Variants in CSRP2 observed in about 807,000 individuals in gnomAD.
CSRP2 encodes cysteine and glycine-rich protein 2.
A neutral mutation model predicts 24.6 loss-of-function variants in CSRP2; 18 were observed. The observed-to-expected ratio is 0.73, with a 90% CI of 0.51 to 1.09. The LOEUF (loss-of-function observed/expected upper bound fraction) is 1.09. Among genes scored for constraint, CSRP2 ranks in the 50% least tolerant of loss-of-function variants. CSRP2 has a pLI of 0.00. For synonymous variants in CSRP2, 87 were observed against 84.3 expected, an observed-to-expected ratio of 1.03 and a Z score of -0.18; for missense variants, 215 against 239.4, an observed-to-expected ratio of 0.90 and a Z score of 0.67.
intron 1 of CSRP2, among the ~76,000 whole-genome samples, chr12:76,872,301 T>C (rs946866798): frequency 3.3e-5 from 5 of 152,262 alleles, no homozygotes; most frequent in African/African-American, 9.6e-5. Context: ...AGTCTAAGTC[T>C]GAGTCGTCTT....
At chr12:76,867,102 G>C (rs1953743248) in intron 1 of CSRP2, among the ~76,000 whole-genome samples, 1 of 152,116 alleles carries the variant, frequency 6.6e-6, no homozygotes, top group Non-Finnish European at 1.5e-5. Flanking sequence ...GGGCAAGCTG[G>C]AAGTACAGAT....
chr12:76,871,685 A>G (rs1294292442), intron 1 of CSRP2, among the ~76,000 whole-genome samples: 1 of 151,552 alleles, frequency 6.6e-6, no homozygotes, highest in Non-Finnish European at 1.5e-5. Flanking sequence ...AATGGCGTGA[A>G]CCCAGGAGGT....
chr12:76,878,160 G>C (rs559453798), intron 1 of CSRP2: 2 of 152,252 alleles, frequency 1.3e-5, no homozygotes, highest in South Asian at 4.2e-4. Context: ...CCCCCAGGGG[G>C]TGCCTACGTG....
intron 3 of CSRP2, chr12:76,862,948 C>T (rs1444963526): frequency 2.7e-6 from 4 of 1,499,878 alleles, no homozygotes. Context: ...CTCCTTGATA[C>T]AGCTTGGAAT....
chr12:76,870,928 G>A (rs2137833714), intron 1 of CSRP2, among the ~76,000 whole-genome samples: 1 of 125,852 alleles, frequency 7.9e-6, no homozygotes, highest in African/African-American at 3.1e-5. Flanking sequence ...AGCTATGATT[G>A]CACCACTGCA....
chr12:76,875,041 A>C (rs563364105), intron 1 of CSRP2, among the ~76,000 whole-genome samples: 1 of 152,284 alleles, frequency 6.6e-6, no homozygotes, highest in African/African-American at 2.4e-5. Flanking sequence ...CCAGAACCAC[A>C]AGCTTTCCTC....
chr12:76,872,567 A>C (rs1263884546), intron 1 of CSRP2, among the ~76,000 whole-genome samples: 2 of 152,176 alleles, frequency 1.3e-5, no homozygotes, highest in African/African-American at 4.8e-5. Flanking sequence ...ACGTGTGTGG[A>C]ACATCATGGC....
At chr12:76,876,400 GA>G (rs1345703967) in intron 1 of CSRP2, among the ~76,000 whole-genome samples, 19 of 151,988 alleles carry the variant, frequency 1.3e-4, no homozygotes, top group African/African-American at 4.6e-4. Context: ...ATTTGAAAAG[GA>G]AAAAATATAA....
intron 1 of CSRP2, among the ~76,000 whole-genome samples, chr12:76,870,763 T>C (rs997327010): frequency 2.0e-4 from 31 of 151,838 alleles, no homozygotes; most frequent in African/African-American, 7.5e-4. Flanking sequence ...CCCAACACTT[T>C]GGAATTTGGA....
intron 1 of CSRP2, among the ~76,000 whole-genome samples, chr12:76,873,700 T>G (rs1351438321): frequency 6.6e-6 from 1 of 152,196 alleles, no homozygotes; most frequent in Non-Finnish European, 1.5e-5. Flanking sequence ...GCTTGCATAG[T>G]GGGGACTCAA....
chr12:76,859,570 T>G lies in CSRP2; in HGVS notation c.482A>C (p.Lys161Thr). 2.5e-6 allele frequency: 4 copies of G among 1,613,662 alleles called. No homozygotes were observed. The highest frequency in any genetic ancestry group is 3.4e-6 in the Non-Finnish European group (4 of 1,179,774). ...ACCTTTACAATAGATTTCACCTTCT[T>G]TTTCAGTCAGAGTTGTTGATTCAAG... ...KSLESTTLTE[K>T]EGEIYCKGCY... Residue 161 changes from lysine (K) to threonine (T), a missense_variant, in exon 5 of 6, where the codon AAA (lysine) becomes ACA (threonine). Lys to Thr is a moderately conservative substitution (Grantham distance 78). Coordinates refer to ENST00000311083, the MANE Select transcript of CSRP2 (RefSeq NM_001321.3).
intron 1 of CSRP2, among the ~76,000 whole-genome samples, chr12:76,868,982 G>A (rs1230521865): frequency 6.6e-6 from 1 of 151,436 alleles, no homozygotes; most frequent in East Asian, 1.9e-4. Context: ...AGATGGTACT[G>A]ACTCTACCCC....
Position 76,863,215 on chromosome 12 carries a change from T to G in CSRP2, c.242A>C (p.Asn81Thr). Residue 81 changes from asparagine to threonine, a missense_variant, in exon 3 of 6, where the codon AAC becomes ACC. Transcript: ENST00000311083. Reference protein sequence around the residue: ...YGYGQGAGTLNMDRGERLGIK... With the variant: ...YGYGQGAGTLTMDRGERLGIK... ...GCCCAGCCTCTCGCCACGGTCCATG[T>G]TAAGCGTGCCAGCGCCCTGGCCATA... 13 of 1,614,214 alleles carry G rather than the reference T, an allele frequency of 8.1e-6. No individual in the cohort carries two copies. Among genetic ancestry groups the G allele is most frequent in the Non-Finnish European group, 1.1e-5 (13 of 1,180,034 alleles).
intron 2 of CSRP2, 69 bp downstream of exon 2, chr12:76,866,080 C>T (rs764175998): frequency 2.2e-5 from 26 of 1,207,830 alleles, no homozygotes; most frequent in Non-Finnish European, 2.9e-5. Context: ...ACAATTTTTC[C>T]TTAAATAGAC....
rs779962540 is a variant in CSRP2, at chr12:76,866,233, A to G, written c.28T>C (p.Cys10Arg). Reference sequence around the variant, plus strand: ...TACACGGTCCTCCCACAGGCCCCACACTTGTTTCCACCTCCCCAGACAGGC... The same window carrying G: ...TACACGGTCCTCCCACAGGCCCCACGCTTGTTTCCACCTCCCCAGACAGGC... MPVWGGGNKCGACGRTVYHA... is the reference protein window; with the variant it reads MPVWGGGNKRGACGRTVYHA... The change falls in exon 2 of 6, where the codon TGT (cysteine) becomes CGT (arginine). Residue 10 changes from cysteine to arginine, a missense_variant. By Grantham distance (180) the Cys-to-Arg change is radical. Transcript: ENST00000311083. The G allele has an allele frequency of 1.9e-6, 3 of 1,614,098 alleles. No individual in the cohort carries two copies. In the Admixed American group the frequency reaches 5.0e-5, roughly 27 times the overall value.
intron 4 of CSRP2, among the ~76,000 whole-genome samples, 167 bp downstream of exon 4, chr12:76,860,117 A>G (rs1237360468): frequency 6.6e-6 from 1 of 152,226 alleles, no homozygotes; most frequent in Admixed American, 6.5e-5. Context: ...AAATAAGGGA[A>G]TCACTTCAAA....
At chr12:76,868,557 A>G (rs1384703374) in intron 1 of CSRP2, among the ~76,000 whole-genome samples, 2 of 152,224 alleles carry the variant, frequency 1.3e-5, no homozygotes, top group African/African-American at 4.8e-5. Context: ...CTGTGAGTCA[A>G]TTAAACCTCT....
At chr12:76,861,651 G>A (rs1953680137) in intron 3 of CSRP2, 1 of 152,178 alleles carries the variant, frequency 6.6e-6, no homozygotes, top group Non-Finnish European at 1.5e-5. Context: ...GAGGGTGGAA[G>A]AAGCTCAAAG....
At chr12:76,865,886 G>C (rs1461798621) in intron 2 of CSRP2, 1 of 462,640 alleles carries the variant, frequency 2.2e-6, no homozygotes, top group East Asian at 4.2e-5. Context: ...CAGTGAGGTG[G>C]GGGAGGCAGA....
Sources: allele counts gnomAD v4.1 joint callset (sites outside exome capture counted in the v4.1 genomes callset), GRCh38; gene constraint gnomAD v4.1.1; transcripts MANE v1.5; gene names NCBI Gene and HGNC (gene_info 2026-07-23, HGNC 2026-07-21).